The following SMIM31 variants were observed in gnomAD, a reference collection of about 807,000 sequenced individuals.
SMIM31 encodes human epithelial cell program regulator.
chr4:164,758,821 T>TAA (rs1732605970), intron 1 of SMIM31, among the ~76,000 whole-genome samples: 7 of 108,354 alleles, frequency 6.5e-5, no homozygotes, highest in African/African-American at 3.0e-4. Context: ...TTTTTTTTTT[T>TAA]TTTTTTTTTT....
intron 1 of SMIM31, among the ~76,000 whole-genome samples, chr4:164,768,140 A>G (rs1732744303): frequency 6.6e-6 from 1 of 151,912 alleles, no homozygotes; most frequent in African/African-American, 2.4e-5. Context: ...GGAGGCTGAA[A>G]TGAGAGGATT....
intron 2 of SMIM31, among the ~76,000 whole-genome samples, chr4:164,772,585 ATT>A (rs755302201): frequency 7.0e-6 from 1 of 142,698 alleles, no homozygotes; most frequent in Non-Finnish European, 1.5e-5. Flanking sequence ...TTTTTATTTT[ATT>A]TTTTTTTTTG....
At chr4:164,787,327 G>C (rs1367940375) in intron 2 of SMIM31, 1 of 151,790 alleles carries the variant, frequency 6.6e-6, no homozygotes, top group Non-Finnish European at 1.5e-5. Context: ...AAATTGGAAC[G>C]ACACAGAGAA....
intron 2 of SMIM31, among the ~76,000 whole-genome samples, chr4:164,782,616 C>T (rs1018789649): frequency 5.8e-5 from 7 of 120,986 alleles, no homozygotes; most frequent in African/African-American, 1.9e-4. Flanking sequence ...CCACTGCGCC[C>T]GGCCCCAACA....
At chr4:164,783,583 T>TAA (rs1732988850) in intron 2 of SMIM31, among the ~76,000 whole-genome samples, 1 of 107,996 alleles carries the variant, frequency 9.3e-6, no homozygotes, top group Non-Finnish European at 1.8e-5. Context: ...GGAAATGAAA[T>TAA]TTCAGAAAAC....
intron 2 of SMIM31, among the ~76,000 whole-genome samples, chr4:164,773,892 T>A (rs144092275): frequency 1.3e-5 from 2 of 152,028 alleles, no homozygotes; most frequent in East Asian, 1.9e-4. Flanking sequence ...TCTGGCTGGG[T>A]GCGGTGGCTC....
intron 1 of SMIM31, 140 bp downstream of exon 1, chr4:164,754,551 A>ATTTTTTTTTTTTTTTTTTTTT (rs57916805): frequency 1.8e-5 from 1 of 55,620 alleles, no homozygotes; most frequent in Non-Finnish European, 3.0e-5. Flanking sequence ...TCCTGGAGGT[A>ATTTTTTTTTTTTTTTTTTTTT]TTTTTTTTTT....
At chr4:164,763,956 C>T (rs865986284) in intron 1 of SMIM31, among the ~76,000 whole-genome samples, 13 of 152,102 alleles carry the variant, frequency 8.5e-5, no homozygotes, top group African/African-American at 3.1e-4. Flanking sequence ...AGAAAAATAA[C>T]GGTAGATAGG....
intron 1 of SMIM31, 140 bp downstream of exon 1, chr4:164,754,551 A>ATTTTTTTT (rs57916805): frequency 1.1e-4 from 6 of 55,622 alleles, no homozygotes; most frequent in Admixed American, 2.9e-4. Flanking sequence ...TCCTGGAGGT[A>ATTTTTTTT]TTTTTTTTTT....
chr4:164,766,390 T>A (rs1732720905), intron 1 of SMIM31, among the ~76,000 whole-genome samples: 1 of 152,172 alleles, frequency 6.6e-6, no homozygotes, highest in South Asian at 2.1e-4. Context: ...ACTCAGTGAA[T>A]ACTTATGGGA....
chr4:164,799,829 T>C (rs1399514130), intron 2 of SMIM31, among the ~76,000 whole-genome samples: 2 of 152,230 alleles, frequency 1.3e-5, no homozygotes, highest in Non-Finnish European at 2.9e-5. Flanking sequence ...GCATGGTGTG[T>C]GCTCAGTAAG....
chr4:164,780,364 T>G (rs1264925403), intron 2 of SMIM31, among the ~76,000 whole-genome samples: 1 of 152,086 alleles, frequency 6.6e-6, no homozygotes, highest in Non-Finnish European at 1.5e-5. Context: ...GAGGTGGAGG[T>G]TGCAGTGAGC....
chr4:164,769,018 C>T (rs1732758788), intron 1 of SMIM31, among the ~76,000 whole-genome samples: 2 of 152,154 alleles, frequency 1.3e-5, no homozygotes, highest in African/African-American at 4.8e-5. Context: ...TTTGTCTCCC[C>T]TCTTTCTCCC....
chr4:164,791,981 T>C (rs1259922001), intron 2 of SMIM31, among the ~76,000 whole-genome samples: 1 of 152,242 alleles, frequency 6.6e-6, no homozygotes, highest in Non-Finnish European at 1.5e-5. Flanking sequence ...TATTGTCAGC[T>C]GCACAAGATT....
At position 164,781,577 on chromosome 4, in the gene SMIM31, G is replaced by C. The variant is rs1198116383; in HGVS notation, c.112+11022G>C. On this transcript the variant is annotated intron_variant, in intron 2 of 2. Transcript: ENST00000507311. Reference sequence around the variant, plus strand: ...TTAGGCCAGATCATTCTTTGTTGTAGGGGGCTGTCCTAAGCATAGGAGGAC... The same window carrying C: ...TTAGGCCAGATCATTCTTTGTTGTACGGGGCTGTCCTAAGCATAGGAGGAC... Among the ~76,000 whole-genome samples the C allele has an allele frequency of 2.0e-5, 3 of 152,112 alleles. No homozygotes were observed. In the South Asian group the frequency reaches 6.2e-4, roughly 32 times the overall value.
chr4:164,764,444 G>A (rs1732693011), intron 1 of SMIM31, among the ~76,000 whole-genome samples: 1 of 151,976 alleles, frequency 6.6e-6, no homozygotes, highest in Non-Finnish European at 1.5e-5. Context: ...GCGTGTGCCT[G>A]TAGTCCCAGC....
chr4:164,758,825 T>C (rs1198772738), intron 1 of SMIM31, among the ~76,000 whole-genome samples: 6 of 120,692 alleles, frequency 5.0e-5, no homozygotes, highest in South Asian at 3.0e-4. Flanking sequence ...TTTTTTTTTT[T>C]TTTTTTTTTT....
At chr4:164,762,679 A>AG (rs1732667865) in intron 1 of SMIM31, among the ~76,000 whole-genome samples, 1 of 133,394 alleles carries the variant, frequency 7.5e-6, no homozygotes, top group African/African-American at 2.9e-5. Flanking sequence ...AAAAAAAAAA[A>AG]AAAAGAAAAA....
intron 2 of SMIM31, among the ~76,000 whole-genome samples, chr4:164,798,881 G>A (rs1215885921): frequency 6.6e-6 from 1 of 152,116 alleles, no homozygotes; most frequent in African/African-American, 2.4e-5. Flanking sequence ...GTGATAGGGA[G>A]GAGGTTCTCA....
Sources: allele counts gnomAD v4.1 joint callset (sites outside exome capture counted in the v4.1 genomes callset), GRCh38; gene constraint gnomAD v4.1.1; transcripts MANE v1.5; gene names NCBI Gene and HGNC (gene_info 2026-07-23, HGNC 2026-07-21).